Variants in LRRC28 observed in about 807,000 individuals in gnomAD.
LRRC28 encodes leucine-rich repeat-containing protein 28.
Under a neutral mutation model 45.7 loss-of-function variants are expected in LRRC28, and 39 were observed. The ratio of observed to expected loss-of-function variants is 0.85; its 90% CI spans 0.66 to 1.12. LRRC28 has a LOEUF of 1.12. Among genes scored for constraint, LRRC28 ranks in the 50% most tolerant of loss-of-function variants. LRRC28 has a pLI of 0.00. For missense variants in LRRC28, 435 were observed against 438.5 expected (o/e 0.99, Z 0.07); for synonymous variants, 206 against 178.8 (o/e 1.15, Z -1.22).
intron 5 of LRRC28, among the ~76,000 whole-genome samples, chr15:99,302,482 C>T (rs1444433189): frequency 2.0e-5 from 3 of 151,804 alleles, no homozygotes; most frequent in African/African-American, 4.8e-5. Flanking sequence ...TCTGCCTCCC[C>T]GGTTCAAGCA....
intron 5 of LRRC28, among the ~76,000 whole-genome samples, chr15:99,313,705 A>G (rs934803976): frequency 1.3e-5 from 2 of 152,124 alleles, no homozygotes; most frequent in Admixed American, 6.6e-5. Flanking sequence ...TTTTGAATTC[A>G]TGGCTGAAGG....
chr15:99,292,977 T>C (rs908631262), intron 5 of LRRC28, among the ~76,000 whole-genome samples: 1 of 152,212 alleles, frequency 6.6e-6, no homozygotes, highest in Non-Finnish European at 1.5e-5. Flanking sequence ...AAGTCCTCCT[T>C]CTTCCCAACT....
intron 6 of LRRC28, chr15:99,338,197 G>C (rs559570881): frequency 6.6e-6 from 1 of 152,292 alleles, no homozygotes; most frequent in East Asian, 1.9e-4. Flanking sequence ...TCTGTTTCTG[G>C]GGGTATTTTT....
chr15:99,378,039 T>A (rs1343531135), intron 9 of LRRC28, among the ~76,000 whole-genome samples: 3 of 152,172 alleles, frequency 2.0e-5, no homozygotes, highest in Non-Finnish European at 1.5e-5. Context: ...CTTTTTTGGT[T>A]CCATATGAAC....
At chr15:99,256,327 A>G (rs2081020595) in intron 2 of LRRC28, 3 of 414,370 alleles carry the variant, frequency 7.2e-6, no homozygotes, top group Non-Finnish European at 1.3e-5. Flanking sequence ...TTGCCGGAGA[A>G]GTTGTGTAGG....
At chr15:99,385,474 G>A (rs577573605) in intron 9 of LRRC28, among the ~76,000 whole-genome samples, 4 of 152,348 alleles carry the variant, frequency 2.6e-5, no homozygotes, top group Non-Finnish European at 4.4e-5. Flanking sequence ...CATGACTCAC[G>A]CACAAAGGTG....
intron 5 of LRRC28, among the ~76,000 whole-genome samples, chr15:99,290,258 CA>C (rs1022356493): frequency 1.3e-4 from 16 of 121,156 alleles, no homozygotes; most frequent in East Asian, 8.7e-4. Context: ...GACCCTGCCT[CA>C]AAAAAAAAAG....
chr15:99,341,134 A>C (rs1956495581), intron 6 of LRRC28, among the ~76,000 whole-genome samples: 1 of 124,664 alleles, frequency 8.0e-6, no homozygotes. Flanking sequence ...TCTGTCACCC[A>C]GGCTGGAGTG....
At chr15:99,296,216 A>G (rs563614053) in intron 5 of LRRC28, among the ~76,000 whole-genome samples, 51 of 152,320 alleles carry the variant, frequency 3.3e-4, no homozygotes, top group Non-Finnish European at 4.3e-4. Flanking sequence ...GATGCTCCAT[A>G]TTTGAATTCC....
chr15:99,372,225 C>T (rs1393002729), intron 9 of LRRC28, among the ~76,000 whole-genome samples: 2 of 152,138 alleles, frequency 1.3e-5, no homozygotes, highest in Non-Finnish European at 2.9e-5. Context: ...CAATATGTGC[C>T]AACAGCATTG....
At chr15:99,365,620 G>T (rs1458870066) in intron 9 of LRRC28, among the ~76,000 whole-genome samples, 1 of 152,162 alleles carries the variant, frequency 6.6e-6, no homozygotes, top group African/African-American at 2.4e-5. Flanking sequence ...AACTCTAAAA[G>T]ATCTTTCTAA....
intron 9 of LRRC28, among the ~76,000 whole-genome samples, chr15:99,366,603 C>T (rs1019483144): frequency 1.3e-5 from 2 of 152,142 alleles, no homozygotes; most frequent in Non-Finnish European, 2.9e-5. Flanking sequence ...AACTTCTCAT[C>T]GTCTCCTTAC....
In LRRC28 at chr15:99,386,112, A is replaced by G. The variant is rs10162626; in HGVS notation, c.*10A>G. 2.9e-4 allele frequency: 470 copies of G among 1,612,522 alleles called. No individual in the cohort carries two copies. The African/African-American group carries it at 5.8e-3, about 20-fold the overall frequency. Reference sequence around the variant, plus strand: ...TGACCTGCTGAGTTGATAAACACTCAAGAACCTCAGGAGCGCTGCCAGCTT... The same window carrying G: ...TGACCTGCTGAGTTGATAAACACTCGAGAACCTCAGGAGCGCTGCCAGCTT... On this transcript the variant is annotated 3_prime_UTR_variant, in exon 10 of 10. Coordinates refer to ENST00000301981, the MANE Select transcript of LRRC28 (RefSeq NM_144598.5).
At chr15:99,380,022 G>A (rs949827672) in intron 9 of LRRC28, among the ~76,000 whole-genome samples, 3 of 152,132 alleles carry the variant, frequency 2.0e-5, no homozygotes, top group African/African-American at 2.4e-5. Flanking sequence ...AGTTGATTTG[G>A]GGTGGAGAGT....
At chr15:99,271,572 C>G (rs916657404) in intron 2 of LRRC28, among the ~76,000 whole-genome samples, 1 of 151,856 alleles carries the variant, frequency 6.6e-6, no homozygotes, top group Non-Finnish European at 1.5e-5. Context: ...CCACCGCATC[C>G]AGCCCTATTT....
At chr15:99,326,173 C>T (rs1955969701) in intron 5 of LRRC28, among the ~76,000 whole-genome samples, 1 of 151,892 alleles carries the variant, frequency 6.6e-6, no homozygotes, top group African/African-American at 2.4e-5. Context: ...GGTCATTACC[C>T]AGTTCATAAA....
At chr15:99,366,410 G>A (rs1277924091) in intron 9 of LRRC28, among the ~76,000 whole-genome samples, 1 of 152,168 alleles carries the variant, frequency 6.6e-6, no homozygotes, top group African/African-American at 2.4e-5. Context: ...TATTATATAT[G>A]CAAGGACATT....
intron 9 of LRRC28, among the ~76,000 whole-genome samples, chr15:99,378,856 A>G (rs1218045542): frequency 6.6e-6 from 1 of 152,140 alleles, no homozygotes; most frequent in Non-Finnish European, 1.5e-5. Context: ...TGATTTGCAT[A>G]TGTTGAACCA....
At chr15:99,292,798 G>C (rs2082159712) in intron 5 of LRRC28, among the ~76,000 whole-genome samples, 1 of 152,214 alleles carries the variant, frequency 6.6e-6, no homozygotes. Context: ...ATTTCAGTCA[G>C]GGATGATAGC....
Sources: gnomAD v4.1 joint callset for allele counts (sites outside exome capture counted in the v4.1 genomes callset) on GRCh38, gnomAD v4.1.1 for gene constraint, MANE v1.5 for transcripts, NCBI Gene and HGNC (gene_info 2026-07-23, HGNC 2026-07-21) for gene names.